The following ROBO2 variants were observed in gnomAD, a reference collection of about 807,000 sequenced individuals.
ROBO2 encodes the protein roundabout homolog 2.
In ROBO2, 53 loss-of-function variants were observed where a neutral mutation model predicts 160.8. That is an observed-to-expected ratio of 0.33 (90% confidence interval 0.26 to 0.41). ROBO2 has a LOEUF of 0.41. Among genes scored for constraint, ROBO2 ranks in the 10% least tolerant of loss-of-function variants. ROBO2 has a pLI of 1.00. For synonymous variants in ROBO2, 664 were observed against 611.7 expected, an observed-to-expected ratio of 1.09 and a Z score of -1.26; for missense variants, 1,577 against 1,722.4, an observed-to-expected ratio of 0.92 and a Z score of 1.49.
At chr3:76,625,777 G>A (rs9637498) in intron 2 of ROBO2, among the ~76,000 whole-genome samples, 53,980 of 152,040 alleles carry the variant, frequency 0.36, 10,414 homozygotes, top group East Asian at 0.62. Flanking sequence ...AAAGGGAGTC[G>A]TATCATACAG....
chr3:76,606,018 A>G (rs926742260), intron 2 of ROBO2, among the ~76,000 whole-genome samples: 1 of 152,132 alleles, frequency 6.6e-6, no homozygotes, highest in African/African-American at 2.4e-5. Flanking sequence ...TTCCAACACA[A>G]TCATTTAACC....
intron 2 of ROBO2, among the ~76,000 whole-genome samples, chr3:76,862,277 T>C (rs1289487015): frequency 6.6e-6 from 1 of 152,148 alleles, no homozygotes; most frequent in Non-Finnish European, 1.5e-5. Flanking sequence ...TCATTCTGGA[T>C]GGCTTTATCC....
chr3:76,711,264 C>G (rs1364067136), intron 2 of ROBO2, among the ~76,000 whole-genome samples: 2 of 152,132 alleles, frequency 1.3e-5, no homozygotes, highest in African/African-American at 4.8e-5. Context: ...TTTCTTCATA[C>G]AGCAGCAACA....
intron 2 of ROBO2, among the ~76,000 whole-genome samples, chr3:76,331,280 G>A (rs1428609977): frequency 1.3e-5 from 2 of 151,990 alleles, no homozygotes; most frequent in African/African-American, 4.8e-5. Context: ...TTAAAATAAA[G>A]GGCAATTTTA....
chr3:77,329,146 T>C (rs965582358), intron 2 of ROBO2, among the ~76,000 whole-genome samples: 1 of 152,212 alleles, frequency 6.6e-6, no homozygotes, highest in Non-Finnish European at 1.5e-5. Flanking sequence ...TTGATATCGA[T>C]GTAGTCTTTC....
intron 2 of ROBO2, among the ~76,000 whole-genome samples, chr3:77,329,775 A>G (rs1015640876): frequency 3.9e-5 from 6 of 152,206 alleles, no homozygotes. Flanking sequence ...GTTAGAATAC[A>G]CTGACTGTGT....
At chr3:76,792,907 T>G (rs1386423989) in intron 2 of ROBO2, among the ~76,000 whole-genome samples, 1 of 151,768 alleles carries the variant, frequency 6.6e-6, no homozygotes, top group African/African-American at 2.4e-5. Flanking sequence ...AAGTGTTGAG[T>G]TTACAACATA....
chr3:76,261,238 C>T (rs987317615), intron 2 of ROBO2, among the ~76,000 whole-genome samples: 22 of 147,940 alleles, frequency 1.5e-4, no homozygotes, highest in Admixed American at 6.8e-5. Flanking sequence ...CCTATGAATT[C>T]TAATATAAAG....
At position 76,253,524 on chromosome 3, in the gene ROBO2, C is replaced by T. The variant is rs143882029; in HGVS notation, c.109+315922C>T. ...CCTGGGCTCAAGCAATCCACCTGCT[C>T]GGTCTCTCAAGGTGTTGGGATTACA... is the stretch of plus-strand genomic sequence containing the variant. On this transcript the variant is annotated intron_variant, in intron 2 of 26. Transcript: ENST00000487694. Among the ~76,000 whole-genome samples the T allele has an allele frequency of 2.9e-3, 440 of 150,912 alleles. 2 individuals carry two copies. The highest frequency in any genetic ancestry group is 1.0e-2 in the African/African-American group (409 of 41,054).
chr3:76,854,073 T>A (rs2069764347), intron 2 of ROBO2, among the ~76,000 whole-genome samples: 1 of 75,826 alleles, frequency 1.3e-5, no homozygotes, highest in South Asian at 4.5e-4. Context: ...TCTCTTTCTC[T>A]GTCTGCCTCT....
At chr3:76,450,339 C>G (rs2077412261) in intron 2 of ROBO2, among the ~76,000 whole-genome samples, 1 of 152,138 alleles carries the variant, frequency 6.6e-6, no homozygotes, top group South Asian at 2.1e-4. Flanking sequence ...GTAATTGAGA[C>G]TTTAACTTGT....
chr3:76,283,753 T>C (rs1249594506), intron 2 of ROBO2, among the ~76,000 whole-genome samples: 1 of 151,966 alleles, frequency 6.6e-6, no homozygotes, highest in Non-Finnish European at 1.5e-5. Context: ...CCTGAAACAG[T>C]TTTTTACAAG....
chr3:77,169,601 A>C (rs2079429892), intron 2 of ROBO2, among the ~76,000 whole-genome samples: 1 of 152,186 alleles, frequency 6.6e-6, no homozygotes, highest in African/African-American at 2.4e-5. Context: ...TGCTCCCTGC[A>C]AATCCACCCT....
At chr3:77,415,599 A>C (rs987538918) in intron 2 of ROBO2, among the ~76,000 whole-genome samples, 10 of 151,990 alleles carry the variant, frequency 6.6e-5, no homozygotes, top group African/African-American at 2.4e-4. Flanking sequence ...CATTCCACCC[A>C]CTTGGCCCAG....
At chr3:76,510,518 G>C (rs2081033285) in intron 2 of ROBO2, among the ~76,000 whole-genome samples, 1 of 152,170 alleles carries the variant, frequency 6.6e-6, no homozygotes, top group Non-Finnish European at 1.5e-5. Context: ...GAGATCAGGA[G>C]CTTGAGACCA....
At chr3:76,555,218 G>A (rs1403686449) in intron 2 of ROBO2, among the ~76,000 whole-genome samples, 2 of 151,864 alleles carry the variant, frequency 1.3e-5, no homozygotes, top group African/African-American at 2.4e-5. Context: ...ATTGCCTAGT[G>A]CTTTCCCAGA....
intron 2 of ROBO2, among the ~76,000 whole-genome samples, chr3:77,250,019 C>T (rs781244789): frequency 8.6e-5 from 13 of 151,832 alleles, no homozygotes; most frequent in Non-Finnish European, 1.9e-4. Context: ...TATAGCATAC[C>T]AGTAATGCAC....
At chr3:76,282,137 A>G (rs1293738918) in intron 2 of ROBO2, among the ~76,000 whole-genome samples, 1 of 152,042 alleles carries the variant, frequency 6.6e-6, no homozygotes, top group Non-Finnish European at 1.5e-5. Flanking sequence ...ATTATGACAC[A>G]TTGACTGGAA....
rs545590723 is a variant in ROBO2, at chr3:76,862,244, G to T, written c.110-235770G>T. On this transcript the variant is annotated intron_variant, in intron 2 of 26. Transcript: ENST00000487694. ...AGTACTTACATGGTTACACGTAGCT[G>T]CAGAGAAGGCTGGAAAATAGCTTCA... Among the ~76,000 whole-genome samples, 4 of 152,254 alleles carry T rather than the reference G, an allele frequency of 2.6e-5. No individual in the cohort carries two copies. The East Asian group carries it at 7.7e-4, about 29-fold the overall frequency.
Sources: allele counts gnomAD v4.1 joint callset (sites outside exome capture counted in the v4.1 genomes callset), GRCh38; gene constraint gnomAD v4.1.1; transcripts MANE v1.5; gene names NCBI Gene and HGNC (gene_info 2026-07-23, HGNC 2026-07-21).